Variants in RGS3 observed in about 807,000 individuals in gnomAD.
RGS3 encodes regulator of G-protein signalling 3.
Under a neutral mutation model 132.6 loss-of-function variants are expected in RGS3, and 80 were observed. The ratio of observed to expected loss-of-function variants is 0.60; its 90% CI spans 0.50 to 0.73. The LOEUF (loss-of-function observed/expected upper bound fraction) is 0.73. Ranked by LOEUF, RGS3 falls within the 30% of genes least tolerant of loss-of-function variation. The pLI, the probability that RGS3 is intolerant of heterozygous loss-of-function variation, is 0.00. For synonymous variants in RGS3, 598 were observed against 620.6 expected (o/e 0.96, Z 0.54); for missense variants, 1,382 against 1,530.8 (o/e 0.90, Z 1.62).
At chr9:113,502,782 T>C (rs1830956835) in intron 10 of RGS3, among the ~76,000 whole-genome samples, 1 of 152,218 alleles carries the variant, frequency 6.6e-6, no homozygotes, top group Admixed American at 6.5e-5. Context: ...TAGAAACCAG[T>C]GCAGAATTGA....
chr9:113,454,295 A>T (rs1042860679), intron 1 of RGS3, among the ~76,000 whole-genome samples: 1 of 152,124 alleles, frequency 6.6e-6, no homozygotes, highest in Non-Finnish European at 1.5e-5. Flanking sequence ...TTGTTCTGGG[A>T]TGCAGTTAAG....
intron 17 of RGS3, among the ~76,000 whole-genome samples, chr9:113,527,093 A>T (rs1328923790): frequency 6.6e-6 from 1 of 152,188 alleles, no homozygotes; most frequent in Non-Finnish European, 1.5e-5. Context: ...CGTGGAACAG[A>T]TTTCAGAGAA....
rs1831371236 is a variant in RGS3, at chr9:113,510,822, T to A, written c.1477+2242T>A. Among the ~76,000 whole-genome samples, 3 of 152,328 alleles carry A rather than the reference T, an allele frequency of 2.0e-5. No individual in the cohort carries two copies. The South Asian group carries it at 6.2e-4, about 32-fold the overall frequency. ...CTGACCTTACTTTATGTATTCTTCA[T>A]AATAATAAATCTTCACTCTTTACCA... On this transcript the variant is annotated intron_variant, in intron 14 of 24. Transcript: ENST00000350696.
intron 10 of RGS3, chr9:113,505,138 TG>T (rs1407571517): frequency 2.4e-6 from 1 of 419,518 alleles, no homozygotes; most frequent in Non-Finnish European, 4.4e-6. Flanking sequence ...GATCAAGGGC[TG>T]GGGCTGCTGG....
chr9:113,581,065 G>A, intron 19 of RGS3: 2 of 925,882 alleles, frequency 2.2e-6, no homozygotes, highest in Non-Finnish European at 2.6e-6. Flanking sequence ...TAGGGTGATA[G>A]GACTGAGGGG....
At chr9:113,482,141 A>G (rs1471904874) in intron 4 of RGS3, among the ~76,000 whole-genome samples, 4 of 152,068 alleles carry the variant, frequency 2.6e-5, no homozygotes, top group South Asian at 2.1e-4. Flanking sequence ...TATCAGGTCT[A>G]TTGTCTTCTT....
At chr9:113,574,763 A>T (rs1834436358) in intron 19 of RGS3, among the ~76,000 whole-genome samples, 1 of 152,138 alleles carries the variant, frequency 6.6e-6, no homozygotes, top group Admixed American at 6.5e-5. Flanking sequence ...ACACACACGG[A>T]GCAGGCAGAA....
At chr9:113,446,673 C>A (rs1017823213) in intron 1 of RGS3, among the ~76,000 whole-genome samples, 4 of 152,174 alleles carry the variant, frequency 2.6e-5, no homozygotes, top group Non-Finnish European at 5.9e-5. Flanking sequence ...ATGGTTACAA[C>A]CTCAGGTGGC....
At chr9:113,508,810 G>A (rs1831265804) in intron 14 of RGS3, among the ~76,000 whole-genome samples, 1 of 152,196 alleles carries the variant, frequency 6.6e-6, no homozygotes, top group Non-Finnish European at 1.5e-5. Flanking sequence ...TCTTACCAGG[G>A]CATTTTGAGA....
rs372343662 is a variant in RGS3 at position 113,483,847 on chromosome 9, G to A, written c.526-291G>A. On this transcript the variant is annotated intron_variant, in intron 5 of 24. Transcript: ENST00000350696. ...CTTTCGCTTCTGGGGAAACCACTCT[G>A]CTTGGGGGAAGAGCAGAGATGATAA... Among the ~76,000 whole-genome samples the A allele has an allele frequency of 2.6e-5, 4 of 152,294 alleles. 1 individual carries two copies. In the East Asian group the frequency reaches 7.7e-4, roughly 29 times the overall value.
intron 2 of RGS3, chr9:113,461,972 G>C (rs1564446016): frequency 2.5e-6 from 4 of 1,601,360 alleles, no homozygotes; most frequent in Non-Finnish European, 2.6e-6. Context: ...ACCTTGCATG[G>C]AGCATCTTCA....
In RGS3 at chr9:113,593,994, C is replaced by A. The variant is rs1454610997; in HGVS notation, c.3081-436C>A. ...GGGCGGCCCCAGAGGCTGTCCCTTG[C>A]AGACACATGCCCCTTTCACGGCTCC... is the stretch of plus-strand genomic sequence containing the variant. On this transcript the variant is annotated intron_variant, in intron 21 of 24. Transcript: ENST00000350696. 2.5e-6 allele frequency: 4 copies of A among 1,612,964 alleles called. No homozygotes were observed. In the East Asian group the frequency reaches 6.7e-5, roughly 27 times the overall value.
chr9:113,492,653 C>A (rs897137069), intron 7 of RGS3, among the ~76,000 whole-genome samples: 1 of 152,182 alleles, frequency 6.6e-6, no homozygotes, highest in African/African-American at 2.4e-5. Context: ...AGTGAGAGTT[C>A]AGGCACTCCC....
intron 14 of RGS3, among the ~76,000 whole-genome samples, chr9:113,509,611 G>A (rs1359924385): frequency 3.9e-5 from 6 of 152,144 alleles, no homozygotes; most frequent in Admixed American, 6.5e-5. Context: ...GAGATCCTTC[G>A]CGTGCCTGCC....
intron 7 of RGS3, among the ~76,000 whole-genome samples, chr9:113,492,227 T>C (rs1830541946): frequency 6.6e-6 from 1 of 152,212 alleles, no homozygotes; most frequent in African/African-American, 2.4e-5. Context: ...AAAAGTAAAC[T>C]GAATACTATT....
exon 19 of RGS3, chr9:113,536,815 C>T (rs1156751317): frequency 6.2e-7 from 1 of 1,614,158 alleles, no homozygotes; most frequent in South Asian, 1.1e-5. Flanking sequence ...TGCTTATTCA[C>T]TTTGGAAGCG....
At chr9:113,467,835 C>T (rs1305342966) in intron 3 of RGS3, among the ~76,000 whole-genome samples, 1 of 152,154 alleles carries the variant, frequency 6.6e-6, no homozygotes, top group Non-Finnish European at 1.5e-5. Context: ...CCACTTCAGC[C>T]TCCTGAGTAG....
At chr9:113,513,956 G>A (rs1301918268) in intron 14 of RGS3, among the ~76,000 whole-genome samples, 1 of 152,162 alleles carries the variant, frequency 6.6e-6, no homozygotes, top group Non-Finnish European at 1.5e-5. Flanking sequence ...GGCTGAGCTT[G>A]TGCAGGGAGT....
upstream of RGS3, among the ~76,000 whole-genome samples, chr9:113,458,497 A>G (rs1829407799): frequency 6.6e-6 from 1 of 152,162 alleles, no homozygotes; most frequent in African/African-American, 2.4e-5. Context: ...TTTTATTAGT[A>G]TTTTTACATT....
Sources: gnomAD v4.1 joint callset for allele counts (sites outside exome capture counted in the v4.1 genomes callset) on GRCh38, gnomAD v4.1.1 for gene constraint, MANE v1.5 for transcripts, NCBI Gene and HGNC (gene_info 2026-07-23, HGNC 2026-07-21) for gene names.